SLC39A2: variants seen among roughly 807,000 people sequenced by gnomAD.
SLC39A2 encodes solute carrier family 39 member 2.
A neutral mutation model predicts 18.0 loss-of-function variants in SLC39A2; 14 were observed. The observed-to-expected ratio is 0.78, with a 90% CI of 0.51 to 1.22. The LOEUF (loss-of-function observed/expected upper bound fraction) is 1.22. Among genes scored for constraint, SLC39A2 ranks in the 50% most tolerant of loss-of-function variants. SLC39A2 has a pLI of 0.00. For missense variants in SLC39A2, 375 were observed against 370.6 expected, an observed-to-expected ratio of 1.01 and a Z score of -0.10; for synonymous variants, 152 against 153.1, an observed-to-expected ratio of 0.99 and a Z score of 0.05.
At chr14:21,000,210 C>G in intron 3 of SLC39A2, 44 bp downstream of exon 3, 1 of 1,462,572 alleles carries the variant, frequency 6.8e-7, no homozygotes, top group Non-Finnish European at 9.5e-7. Flanking sequence ...TGAGGAGAAC[C>G]AGAGAGGCCT....
chr14:21,000,755 A>T (rs1437138109), intron 3 of SLC39A2, among the ~76,000 whole-genome samples, 192 bp from the exon 4 acceptor site: 15 of 152,164 alleles, frequency 9.9e-5, no homozygotes, highest in African/African-American at 3.6e-4. Context: ...TACAGGCATG[A>T]GCCACTGTGT....
chr14:21,001,512 C>G lies in SLC39A2; in HGVS notation c.863C>G (p.Pro288Arg). ...LPRELASPEA[P>R]LAKWSCVAAG... ...CGGGAGCTAGCTAGTCCTGAGGCCCCTCTAGCTAAGTGGAGCTGTGTAGCC... is the reference window on the plus strand; with the variant it reads ...CGGGAGCTAGCTAGTCCTGAGGCCCGTCTAGCTAAGTGGAGCTGTGTAGCC... The change falls in exon 4 of 4, where the codon CCT becomes CGT. Residue 288 changes from proline (P) to arginine (R), a missense_variant. By Grantham distance (103) the Pro-to-Arg change is moderately radical (BLOSUM62 -2). Coordinates refer to ENST00000298681, the MANE Select transcript of SLC39A2 (RefSeq NM_014579.4). The G allele has an allele frequency of 6.2e-7, 1 of 1,609,146 alleles. No homozygotes were observed. Among genetic ancestry groups the G allele is most frequent in the Non-Finnish European group, 8.5e-7 (1 of 1,177,510 alleles).
chr14:21,001,518 C>A lies in SLC39A2; in HGVS notation c.869C>A (p.Ala290Asp). The A allele has an allele frequency of 6.2e-7, 1 of 1,605,740 alleles. No homozygotes were observed. The highest frequency in any genetic ancestry group is 1.1e-5 in the South Asian group (1 of 89,488). The change falls in exon 4 of 4, where the codon GCT becomes GAT. Residue 290 changes from alanine to aspartate, a missense_variant. Physicochemically the swap from Ala to Asp is moderately radical, Grantham distance 126. Coordinates refer to ENST00000298681, the MANE Select transcript of SLC39A2 (RefSeq NM_014579.4). ...CTAGCTAGTCCTGAGGCCCCTCTAG[C>A]TAAGTGGAGCTGTGTAGCCGCTGGT... ...RELASPEAPL[A>D]KWSCVAAGFA...
rs750064810 is a variant in SLC39A2, at chr14:21,001,277, G to A, written c.628G>A (p.Val210Ile). ...TCATAAGGGGCTTGTGGTGTTTGGT[G>A]TAGGAATGCGGCTAGTGCATTTAGG... The part of the protein sequence containing the change: ...LAHKGLVVFG[V>I]GMRLVHLGTS... Residue 210 changes from valine (V) to isoleucine (I), a missense_variant, in exon 4 of 4, where the codon GTA (valine) becomes ATA (isoleucine). Coordinates refer to ENST00000298681, the MANE Select transcript of SLC39A2 (RefSeq NM_014579.4). 1.5e-5 allele frequency: 24 copies of A among 1,614,138 alleles called. No homozygotes were observed. In the East Asian group the frequency reaches 4.7e-4, roughly 31 times the overall value.
At chr14:20,999,955 A>T (rs918473309) in intron 2 of SLC39A2, 83 bp downstream of exon 2, 3 of 1,567,490 alleles carry the variant, frequency 1.9e-6, no homozygotes, top group Non-Finnish European at 2.6e-6. Context: ...AAAGTGATGG[A>T]GCCAAGGACA....
rs180694682 is a variant in SLC39A2, at chr14:21,001,098, A to G, written c.449A>G (p.His150Arg). 1.3e-4 allele frequency: 211 copies of G among 1,613,734 alleles called. 2 individuals carry two copies. In the East Asian group the frequency reaches 3.7e-3, roughly 28 times the overall value. ...GGTGGGGCTCATATCTTCGAACTCC[A>G]CAGCCATGGACATTTACCCTCACCC... ...EWGGAHIFEL[H>R]SHGHLPSPSK... The change falls in exon 4 of 4, where the codon CAC becomes CGC. Residue 150 changes from histidine to arginine, a missense_variant. Coordinates refer to ENST00000298681, the MANE Select transcript of SLC39A2 (RefSeq NM_014579.4).
rs1717423889 is a variant in SLC39A2 at position 20,999,530 on chromosome 14, C to T, written c.84C>T (p.Cys28=). The change falls in exon 1 of 4, where the codon TGC becomes TGT. Residue 28 remains cysteine (C), a synonymous_variant. Coordinates refer to ENST00000298681, the MANE Select transcript of SLC39A2 (RefSeq NM_014579.4). ...TGGGCTGTGGCCTTACTCCCATCTG[C>T]TTCAAATGGTTCCAGATTGATGCAG... ...LTLGCGLTPI[C]FKWFQIDAAR... The T allele has an allele frequency of 6.2e-7, 1 of 1,614,030 alleles. No homozygotes were observed. Among genetic ancestry groups the T allele is most frequent in the Non-Finnish European group, 8.5e-7 (1 of 1,180,018 alleles).
chr14:20,999,386 T>G lies in SLC39A2; in HGVS notation c.-61T>G, dbSNP rs753900821. On this transcript the variant is annotated 5_prime_UTR_variant, in exon 1 of 4. Coordinates refer to ENST00000298681, the MANE Select transcript of SLC39A2 (RefSeq NM_014579.4). ...TGTTGACCACCTAAGATACCACTCC[T>G]GCTCCAAAGATTACAGCTCCCTTGT... 2 of 1,291,674 alleles carry G rather than the reference T, an allele frequency of 1.5e-6. No individual in the cohort carries two copies. The highest frequency in any genetic ancestry group is 1.1e-6 in the Non-Finnish European group (1 of 887,478). 80.0% of individuals were successfully genotyped at this position (1,291,674 alleles called of 1,614,324 possible).
Position 21,001,578 on chromosome 14 carries a change from G to C in SLC39A2, c.929G>C (p.Ter310SerextTer11), listed in dbSNP as rs886179576. Residue 310 changes from the stop codon to serine (S), a stop_lost, in exon 4 of 4, where the codon TGA becomes TCA. Coordinates refer to ENST00000298681, the MANE Select transcript of SLC39A2 (RefSeq NM_014579.4). ...AFMAFIALWA[*>S] ...ATGGCCTTTATTGCCTTGTGGGCCT[G>C]AGAGATTCCTGGCTTTTCTGATGGA... The C allele has an allele frequency of 3.2e-6, 5 of 1,539,368 alleles. No homozygotes were observed. Among genetic ancestry groups the C allele is most frequent in the Non-Finnish European group, 4.4e-6 (5 of 1,146,034 alleles).
Position 21,001,073 on chromosome 14 carries a change from G to A in SLC39A2, c.424G>A (p.Gly142Ser), listed in dbSNP as rs1164546221. 6.2e-7 allele frequency: 1 copy of A among 1,610,706 alleles called. No individual in the cohort carries two copies. The highest frequency in any genetic ancestry group is 2.2e-5 in the East Asian group (1 of 44,794). ...GGSTVQDEEW[G>S]GAHIFELHSH... Reference sequence around the variant, plus strand: ...ATCGACAGTGCAGGACGAAGAATGGGGTGGGGCTCATATCTTCGAACTCCA... The same window carrying A: ...ATCGACAGTGCAGGACGAAGAATGGAGTGGGGCTCATATCTTCGAACTCCA... The change falls in exon 4 of 4, where the codon GGT becomes AGT. Residue 142 changes from glycine to serine, a missense_variant. Coordinates refer to ENST00000298681, the MANE Select transcript of SLC39A2 (RefSeq NM_014579.4).
rs1007142926 is a variant in SLC39A2, at chr14:21,001,833, T to C, written c.*254T>C. The C allele has an allele frequency of 2.0e-4, 71 of 359,198 alleles. No individual in the cohort carries two copies. The highest frequency in any genetic ancestry group is 1.3e-3 in the African/African-American group (63 of 48,042). 22.3% of individuals were successfully genotyped at this position (359,198 alleles called of 1,614,324 possible). A position where few individuals can be genotyped will look rare whatever the true frequency, so the allele number is the denominator to read the frequency against. On this transcript the variant is annotated 3_prime_UTR_variant, in exon 4 of 4. Transcript: ENST00000298681. ...GCTCCAGATTTTATTCTTATCCCAT[T>C]TATGCTACTGTGTGTAATAAAATGC...
At chr14:21,000,210 C>T in intron 3 of SLC39A2, 44 bp downstream of exon 3, 1 of 1,462,572 alleles carries the variant, frequency 6.8e-7, no homozygotes, top group South Asian at 1.2e-5. Flanking sequence ...TGAGGAGAAC[C>T]AGAGAGGCCT....
In SLC39A2 at chr14:21,001,780, C is replaced by CT. The variant is rs1880639703; in HGVS notation, c.*202dup. On this transcript the variant is annotated 3_prime_UTR_variant, in exon 4 of 4. Coordinates refer to ENST00000298681, the MANE Select transcript of SLC39A2 (RefSeq NM_014579.4). ...AGACAAAGATATTTAGGTTGAGCAG[C>CT]TATTAATTGGAGAATTGGTACAGAG... 2.2e-6 allele frequency: 1 copy of CT among 451,550 alleles called. No individual in the cohort carries two copies. The allele number at this position is 451,550 out of a possible 1,614,324, so 28.0% of individuals were successfully genotyped here.
Position 20,999,882 on chromosome 14 carries a change from G to T in SLC39A2, c.246+10G>T, listed in dbSNP as rs758295812. 1.2e-6 allele frequency: 2 copies of T among 1,613,598 alleles called. No individual in the cohort carries two copies. Among genetic ancestry groups the T allele is most frequent in the Non-Finnish European group, 1.7e-6 (2 of 1,180,024 alleles). On this transcript the variant is annotated intron_variant, in intron 2 of 3. Transcript: ENST00000298681. ...GAAGTTCATGGTGCAGGTGAGAGCA[G>T]AGATTTCAAGCCGCAGGTCTATGAG...
intron 3 of SLC39A2, 128 bp from the exon 4 acceptor site, chr14:21,000,819 A>C: frequency 1.2e-6 from 1 of 803,548 alleles, no homozygotes. Flanking sequence ...TCTTGGCTTC[A>C]TTTCCCCTAC....
chr14:20,999,496 C>T lies in SLC39A2; in HGVS notation c.50C>T (p.Ala17Val). 6.2e-7 allele frequency: 1 copy of T among 1,614,140 alleles called. No homozygotes were observed. Among genetic ancestry groups the T allele is most frequent in the Non-Finnish European group, 8.5e-7 (1 of 1,180,022 alleles). ...CTTGGCTGCCTGTTTGCCCTGTTGG[C>T]TCTCACTCTGGGCTGTGGCCTTACT... ...IKLGCLFALL[A>V]LTLGCGLTPI... Residue 17 changes from alanine to valine, a missense_variant, in exon 1 of 4, where the codon GCT becomes GTT. Physicochemically the swap from Ala to Val is moderately conservative, Grantham distance 64 (BLOSUM62 0). Coordinates refer to ENST00000298681, the MANE Select transcript of SLC39A2 (RefSeq NM_014579.4).
Position 20,999,988 on chromosome 14 carries a change from G to T in SLC39A2, c.246+116G>T, listed in dbSNP as rs546664121. The stretch of plus-strand genomic sequence containing the variant: ...ACATGGGTGGAACGACAAGGAAAAT[G>T]ACAGCTCTTGTGTGGGATGGTGAAA... On this transcript the variant is annotated intron_variant, in intron 2 of 3. Coordinates refer to ENST00000298681, the MANE Select transcript of SLC39A2 (RefSeq NM_014579.4). 20 of 1,491,348 alleles carry T rather than the reference G, an allele frequency of 1.3e-5. No individual in the cohort carries two copies. In the East Asian group the frequency reaches 4.5e-4, roughly 34 times the overall value. 92.4% of individuals were successfully genotyped at this position (1,491,348 alleles called of 1,614,324 possible).
chr14:21,000,133 G>A lies in SLC39A2; in HGVS notation c.264G>A (p.Glu88=). The A allele has an allele frequency of 6.2e-7, 1 of 1,613,306 alleles. No individual in the cohort carries two copies. The stretch of plus-strand genomic sequence containing the variant: ...CTTCTTAGAACAGATCAGCAAGTGA[G>A]AGAAATTCTTCTGGTGATGCTGATT... ...KFMVQNRSAS[E]RNSSGDADSA... Residue 88 remains glutamate, a synonymous_variant, in exon 3 of 4, where the codon GAG becomes GAA. Coordinates refer to ENST00000298681, the MANE Select transcript of SLC39A2 (RefSeq NM_014579.4).
Position 21,001,489 on chromosome 14 carries a change from G to A in SLC39A2, c.840G>A (p.Arg280=), listed in dbSNP as rs1026579305. ...LYVTFLEILP[R]ELASPEAPLA... is the part of the protein sequence containing the mutation. The stretch of plus-strand genomic sequence containing the variant: ...TCACCTTCCTAGAAATTCTTCCACG[G>A]GAGCTAGCTAGTCCTGAGGCCCCTC... Residue 280 remains arginine (R), a synonymous_variant, in exon 4 of 4, where the codon CGG becomes CGA. Transcript: ENST00000298681. 4 of 1,613,516 alleles carry A rather than the reference G, an allele frequency of 2.5e-6. No homozygotes were observed. The highest frequency in any genetic ancestry group is 3.4e-6 in the Non-Finnish European group (4 of 1,179,616).
Sources: allele counts gnomAD v4.1 joint callset (sites outside exome capture counted in the v4.1 genomes callset), GRCh38; gene constraint gnomAD v4.1.1; transcripts MANE v1.5; gene names NCBI Gene and HGNC (gene_info 2026-07-23, HGNC 2026-07-21).